Variants in NFIB observed in about 807,000 individuals in gnomAD.
The protein encoded by NFIB is nuclear factor 1 B-type.
Under a neutral mutation model 61.5 loss-of-function variants are expected in NFIB, and 11 were observed. That is an observed-to-expected ratio of 0.18 (90% confidence interval 0.11 to 0.30). NFIB has a LOEUF of 0.30. Ranked by LOEUF, NFIB falls within the 10% of genes least tolerant of loss-of-function variation. The pLI is 1.00. For missense variants in NFIB, 471 were observed against 608.9 expected (o/e 0.77, Z 2.38); for synonymous variants, 260 against 216.5 (o/e 1.20, Z -1.76).
At chr9:14,373,752 G>C (rs1038511101) in intron 1 of NFIB, among the ~76,000 whole-genome samples, 1 of 151,832 alleles carries the variant, frequency 6.6e-6, no homozygotes, top group Non-Finnish European at 1.5e-5. Context: ...GTTTTTGTTG[G>C]AATAAGATTT....
intron 1 of NFIB, among the ~76,000 whole-genome samples, chr9:14,398,083 G>T (rs1415329109): frequency 6.6e-6 from 1 of 152,024 alleles, no homozygotes; most frequent in Non-Finnish European, 1.5e-5. Flanking sequence ...AAGACCAAAG[G>T]CTGCTTATTG....
At chr9:14,415,076 G>A in the NFIB span, among the ~76,000 whole-genome samples, 2 of 152,226 alleles carry the variant, frequency 1.3e-5, no homozygotes, top group Non-Finnish European at 2.9e-5. Context: ...ACTGCAAGCA[G>A]GTTGTCAGCC....
intron 2 of NFIB, among the ~76,000 whole-genome samples, chr9:14,233,485 T>A (rs1386504410): frequency 6.7e-6 from 1 of 148,510 alleles, no homozygotes; most frequent in African/African-American, 2.5e-5. Context: ...TGGAGTATAG[T>A]GGTGCGATCT....
chr9:14,337,465 G>A (rs556973414), intron 1 of NFIB, among the ~76,000 whole-genome samples: 7 of 152,330 alleles, frequency 4.6e-5, no homozygotes, highest in African/African-American at 1.7e-4. Flanking sequence ...TCAGGAGAGG[G>A]AGGTGATGGG....
At chr9:14,326,598 G>A (rs2060754782) in intron 1 of NFIB, among the ~76,000 whole-genome samples, 1 of 151,416 alleles carries the variant, frequency 6.6e-6, no homozygotes, top group Non-Finnish European at 1.5e-5. Flanking sequence ...CCAACCCCCG[G>A]CTATGGCCTT....
chr9:14,123,477 C>T (rs909912853), intron 7 of NFIB, among the ~76,000 whole-genome samples: 10 of 152,102 alleles, frequency 6.6e-5, no homozygotes, highest in Non-Finnish European at 1.0e-4. Context: ...GTAACTTCTC[C>T]GCTAAAATTA....
chr9:14,082,845 C>A lies in NFIB; in HGVS notation c.*5464G>T, dbSNP rs1301912427. On this transcript the variant is annotated 3_prime_UTR_variant, in exon 11 of 11. Transcript: ENST00000380953. Reference sequence around the variant, plus strand: ...ATTTGCCACATCAGTCCCTGTAGCACAGTTTTCAAAACCATTCTGTCAAAA... The same window carrying A: ...ATTTGCCACATCAGTCCCTGTAGCAAAGTTTTCAAAACCATTCTGTCAAAA... 1 of 204,726 alleles carries A rather than the reference C, an allele frequency of 4.9e-6. No individual in the cohort carries two copies. The highest frequency in any genetic ancestry group is 7.5e-5 in the East Asian group (1 of 13,414). The allele number at this position is 204,726 out of a possible 1,614,324, so 12.7% of individuals were successfully genotyped here.
chr9:14,221,467 A>G lies in NFIB; in HGVS notation c.563-41687T>C, dbSNP rs536384393. ...TGTGCATTATTATTAGCTCCATTTT[A>G]CAGTTAGAAAAACTGAGGCTCATGA... On this transcript the variant is annotated intron_variant, in intron 2 of 10. Coordinates refer to ENST00000380953, the MANE Select transcript of NFIB (RefSeq NM_001190737.2). 3.3e-5 allele frequency among the ~76,000 whole-genome samples: 5 copies of G among 152,166 alleles called. No individual in the cohort carries two copies. The South Asian group carries it at 8.3e-4, about 25-fold the overall frequency.
intron 3 of NFIB, among the ~76,000 whole-genome samples, chr9:14,162,128 T>G (rs1362660514): frequency 6.6e-6 from 1 of 152,106 alleles, no homozygotes; most frequent in Non-Finnish European, 1.5e-5. Flanking sequence ...CATTCATAAA[T>G]ACACAAACAT....
intron 2 of NFIB, among the ~76,000 whole-genome samples, chr9:14,183,605 A>G (rs998702632): frequency 3.3e-5 from 5 of 151,830 alleles, no homozygotes; most frequent in African/African-American, 1.2e-4. Flanking sequence ...GGGTTTCACC[A>G]TGTTGGTCAG....
Position 14,120,942 on chromosome 9 carries a change from AT to A in NFIB, c.1061-319del, listed in dbSNP as rs2038847214. Among the ~76,000 whole-genome samples, 1 of 152,336 alleles carries A rather than the reference AT, an allele frequency of 6.6e-6. No individual in the cohort carries two copies. Among genetic ancestry groups the A allele is most frequent in the South Asian group, 2.1e-4 (1 of 4,828 alleles). On this transcript the variant is annotated intron_variant, in intron 7 of 10. Coordinates refer to ENST00000380953, the MANE Select transcript of NFIB (RefSeq NM_001190737.2). This position sits in a 1 kb window ranked among gnomAD's most constrained non-coding sequence, Gnocchi z 4.4. ...AAAACACTTCTTTGAGCAAAGATAT[AT>A]CCCGTTGAAAACATATTCTTTGATT...
intron 2 of NFIB, among the ~76,000 whole-genome samples, chr9:14,194,584 A>G (rs1326798555): frequency 6.6e-6 from 1 of 152,224 alleles, no homozygotes; most frequent in Non-Finnish European, 1.5e-5. Context: ...AAGAAGAAAT[A>G]AAAATTATCC....
At chr9:14,405,233 C>G in the NFIB span, among the ~76,000 whole-genome samples, 1 of 152,188 alleles carries the variant, frequency 6.6e-6, no homozygotes, top group African/African-American at 2.4e-5. Context: ...GCCTGAGTCC[C>G]TGAATGGTTA....
chr9:14,230,048 G>A lies in NFIB; in HGVS notation c.563-50268C>T, dbSNP rs560989614. 4.6e-5 allele frequency among the ~76,000 whole-genome samples: 7 copies of A among 152,272 alleles called. No individual in the cohort carries two copies. In the East Asian group the frequency reaches 1.4e-3, roughly 29 times the overall value. On this transcript the variant is annotated intron_variant, in intron 2 of 10. Coordinates refer to ENST00000380953, the MANE Select transcript of NFIB (RefSeq NM_001190737.2). ...TTGAACTCCCGACCTCAGGTGATCA[G>A]CCCGCCTTAGCCTCCCAATGTGCTG...
At chr9:14,463,308 A>G in the NFIB span, among the ~76,000 whole-genome samples, 2 of 152,000 alleles carry the variant, frequency 1.3e-5, no homozygotes, top group Non-Finnish European at 2.9e-5. Context: ...AAAAAATATA[A>G]AAGAAGAGTT....
the NFIB span, among the ~76,000 whole-genome samples, chr9:14,530,624 G>A: frequency 1.3e-5 from 2 of 152,158 alleles, no homozygotes; most frequent in Non-Finnish European, 2.9e-5. Context: ...AGGATCAACA[G>A]CATAACATCC....
chr9:14,248,443 T>C (rs2132107018), intron 2 of NFIB, among the ~76,000 whole-genome samples: 1 of 152,034 alleles, frequency 6.6e-6, no homozygotes, highest in Admixed American at 6.6e-5. Context: ...ACTAATCTTT[T>C]ATTTTTTTGT....
intron 2 of NFIB, among the ~76,000 whole-genome samples, chr9:14,265,744 C>A (rs2057144507): frequency 6.6e-6 from 1 of 152,186 alleles, no homozygotes; most frequent in Admixed American, 6.5e-5. Flanking sequence ...TTGAGCATCA[C>A]CTATGCATCA....
the NFIB span, among the ~76,000 whole-genome samples, chr9:14,405,806 G>T: frequency 2.0e-5 from 3 of 152,176 alleles, no homozygotes; most frequent in Non-Finnish European, 4.4e-5. Context: ...ATTTAGCCCC[G>T]ATGGGTTCAA....
Sources: gnomAD v4.1 joint callset for allele counts (sites outside exome capture counted in the v4.1 genomes callset) on GRCh38, gnomAD v4.1.1 for gene constraint, Gnocchi (gnomAD v3.1) non-coding constraint, MANE v1.5 for transcripts, NCBI Gene and HGNC (gene_info 2026-07-23, HGNC 2026-07-21) for gene names.